Variants in ZNF385D observed in about 807,000 individuals in gnomAD.
ZNF385D encodes the protein zinc finger protein 385D.
In ZNF385D, 15 loss-of-function variants were observed where a neutral mutation model predicts 35.8. The ratio of observed to expected loss-of-function variants is 0.42; its 90% CI spans 0.28 to 0.64. The LOEUF (loss-of-function observed/expected upper bound fraction) is 0.64, where lower values mean the gene tolerates loss of function less well. Among genes scored for constraint, ZNF385D ranks in the 30% least tolerant of loss-of-function variants. ZNF385D has a pLI of 0.23. For synonymous variants in ZNF385D, 212 were observed against 186.8 expected (o/e 1.13, Z -1.10); for missense variants, 474 against 494.6 (o/e 0.96, Z 0.39).
intron 3 of ZNF385D, among the ~76,000 whole-genome samples, chr3:21,799,004 G>A (rs2072279019): frequency 6.6e-6 from 1 of 152,110 alleles, no homozygotes. Context: ...CTGCTTTACA[G>A]GTCTATGGAT....
At chr3:21,956,749 G>C (rs1471269063) in intron 3 of ZNF385D, among the ~76,000 whole-genome samples, 1 of 151,666 alleles carries the variant, frequency 6.6e-6, no homozygotes, top group Non-Finnish European at 1.5e-5. Flanking sequence ...AATAAGCCTG[G>C]TTTCAAAAAG....
intron 3 of ZNF385D, among the ~76,000 whole-genome samples, chr3:21,967,019 T>G (rs544925646): frequency 1.2e-3 from 186 of 152,282 alleles, no homozygotes; most frequent in Non-Finnish European, 2.4e-3. Flanking sequence ...AGAACACACA[T>G]AAATTAAAAT....
rs537576120 is a variant in ZNF385D at position 21,983,046 on chromosome 3, G to T, written c.325+185771C>A. On this transcript the variant is annotated intron_variant, in intron 3 of 5. Transcript: ENST00000494108. ...TGTTTATCAAGGATATTGGGCTGAA[G>T]TTTTCTTTTTTTGTTGTGTCTTTGC... Among the ~76,000 whole-genome samples, 15 of 151,852 alleles carry T rather than the reference G, an allele frequency of 9.9e-5. No homozygotes were observed. The South Asian group carries it at 3.1e-3, about 32-fold the overall frequency.
intron 2 of ZNF385D, among the ~76,000 whole-genome samples, chr3:22,193,089 A>T (rs1696169488): frequency 6.6e-6 from 1 of 152,218 alleles, no homozygotes; most frequent in African/African-American, 2.4e-5. Flanking sequence ...CTCTTCATTC[A>T]AAGAAAATTC....
At chr3:21,983,085 C>T (rs1694584565) in intron 3 of ZNF385D, among the ~76,000 whole-genome samples, 1 of 151,508 alleles carries the variant, frequency 6.6e-6, no homozygotes, top group African/African-American at 2.4e-5. Context: ...GTTTGGGTAT[C>T]AAGATGTTGT....
At chr3:21,859,259 A>T (rs781279476) in intron 3 of ZNF385D, among the ~76,000 whole-genome samples, 2 of 152,050 alleles carry the variant, frequency 1.3e-5, no homozygotes, top group Non-Finnish European at 2.9e-5. Flanking sequence ...ACTGCGCTTT[A>T]TACCCTGCCC....
At chr3:22,163,353 GAAGT>G (rs1706096805) in intron 3 of ZNF385D, among the ~76,000 whole-genome samples, 1 of 152,092 alleles carries the variant, frequency 6.6e-6, no homozygotes, top group African/African-American at 2.4e-5. Context: ...GTCAGAAACC[GAAGT>G]TAGTCTTAAC....
chr3:22,303,608 C>G (rs1387082688), intron 2 of ZNF385D, among the ~76,000 whole-genome samples: 1 of 151,958 alleles, frequency 6.6e-6, no homozygotes, highest in Non-Finnish European at 1.5e-5. Context: ...CAGGAGAGTT[C>G]CATCAGTTTA....
chr3:21,981,654 T>C (rs1478433271), intron 3 of ZNF385D, among the ~76,000 whole-genome samples: 1 of 152,150 alleles, frequency 6.6e-6, no homozygotes. Context: ...ATGTCCAGGG[T>C]GGTATTGCCT....
At chr3:22,109,730 T>G (rs9832318) in intron 3 of ZNF385D, among the ~76,000 whole-genome samples, 36,368 of 152,014 alleles carry the variant, frequency 0.24, 4,733 homozygotes, top group Non-Finnish European at 0.28. Flanking sequence ...AAGGACTTCA[T>G]GCCTAAAACA....
intron 2 of ZNF385D, among the ~76,000 whole-genome samples, chr3:22,181,712 A>G (rs552189224): frequency 7.2e-4 from 110 of 152,092 alleles, no homozygotes; most frequent in Non-Finnish European, 1.3e-3. Flanking sequence ...AAAAAAAAAA[A>G]AAAAGAATAT....
intron 3 of ZNF385D, among the ~76,000 whole-genome samples, chr3:21,781,936 T>C (rs2071505186): frequency 6.6e-6 from 1 of 152,022 alleles, no homozygotes; most frequent in Non-Finnish European, 1.5e-5. Context: ...AACTAGCAAC[T>C]TTCATCACTC....
intron 3 of ZNF385D, among the ~76,000 whole-genome samples, chr3:21,885,734 C>CTGTCTG (rs1553692053): frequency 7.6e-6 from 1 of 131,844 alleles, no homozygotes; most frequent in East Asian, 2.0e-4. Context: ...CAGGGTGTGT[C>CTGTCTG]TGTGTCTGTG....
At chr3:21,588,445 A>ACCT (rs10628020) in intron 2 of ZNF385D, among the ~76,000 whole-genome samples, 132,393 of 151,730 alleles carry the variant, frequency 0.87, 57,892 homozygotes, top group Non-Finnish European at 0.9. Flanking sequence ...ATGTGTAAAG[A>ACCT]CCTGATTTAA....
chr3:21,625,896 ATCAT>A (rs2065122690), intron 2 of ZNF385D, among the ~76,000 whole-genome samples: 1 of 152,112 alleles, frequency 6.6e-6, no homozygotes, highest in South Asian at 2.1e-4. Context: ...ATTTGAAATT[ATCAT>A]TCAAATTACC....
chr3:22,216,355 G>A (rs1392590382), intron 2 of ZNF385D, among the ~76,000 whole-genome samples: 5 of 151,984 alleles, frequency 3.3e-5, no homozygotes, highest in Non-Finnish European at 1.5e-5. Flanking sequence ...CTACCATTAT[G>A]GATAAATTGC....
chr3:22,165,525 C>T (rs1361257948), intron 3 of ZNF385D, among the ~76,000 whole-genome samples: 2 of 152,152 alleles, frequency 1.3e-5, no homozygotes, highest in Admixed American at 6.5e-5. Flanking sequence ...TTCCCACTTA[C>T]AAATACCTAC....
chr3:21,910,557 T>C (rs1037276685), intron 3 of ZNF385D, among the ~76,000 whole-genome samples: 1 of 151,946 alleles, frequency 6.6e-6, no homozygotes, highest in Non-Finnish European at 1.5e-5. Context: ...ACTGCTCTAA[T>C]GAGCCAAAAG....
intron 3 of ZNF385D, among the ~76,000 whole-genome samples, chr3:21,979,214 G>GT (rs1210311254): frequency 6.6e-6 from 1 of 151,922 alleles, no homozygotes; most frequent in African/African-American, 2.4e-5. Flanking sequence ...GGACCATGGG[G>GT]TATTTTGTTA....
Sources: gnomAD v4.1 joint callset for allele counts (sites outside exome capture counted in the v4.1 genomes callset) on GRCh38, gnomAD v4.1.1 for gene constraint, MANE v1.5 for transcripts, NCBI Gene and HGNC (gene_info 2026-07-23, HGNC 2026-07-21) for gene names.